The following CSMD2 variants were observed in gnomAD, a reference collection of about 807,000 sequenced individuals.
CSMD2 encodes CUB and Sushi multiple domains 2.
A neutral mutation model predicts 398.5 loss-of-function variants in CSMD2; 130 were observed. That is an observed-to-expected ratio of 0.33 (90% confidence interval 0.28 to 0.38). The LOEUF is 0.38. Among genes scored for constraint, CSMD2 ranks in the 10% least tolerant of loss-of-function variants. CSMD2 has a pLI of 1.00. For synonymous variants in CSMD2, 1,828 were observed against 1,908.5 expected, an observed-to-expected ratio of 0.96 and a Z score of 1.10; for missense variants, 3,829 against 4,764.9, an observed-to-expected ratio of 0.80 and a Z score of 5.78.
At chr1:33,520,101 G>A in intron 68 of CSMD2, 151 bp from the exon 69 acceptor site, 1 of 840,616 alleles carries the variant, frequency 1.2e-6, no homozygotes, top group Non-Finnish European at 1.9e-6. Context: ...TGTGCCCAGG[G>A]CTGCCCGCCT....
At chr1:33,990,923 T>C (rs1646531057) in intron 3 of CSMD2, among the ~76,000 whole-genome samples, 1 of 152,154 alleles carries the variant, frequency 6.6e-6, no homozygotes, top group South Asian at 2.1e-4. Flanking sequence ...GCATGGGTCA[T>C]ACTTATAATA....
intron 15 of CSMD2, 35 bp downstream of exon 15, chr1:33,739,105 A>G: frequency 6.3e-7 from 1 of 1,589,724 alleles, no homozygotes; most frequent in Non-Finnish European, 8.6e-7. Context: ...TCTCTGGCTG[A>G]CAATGGCCAC....
chr1:33,892,012 C>T (rs1428872519), intron 5 of CSMD2, among the ~76,000 whole-genome samples: 4 of 149,974 alleles, frequency 2.7e-5, no homozygotes, highest in Non-Finnish European at 5.9e-5. Flanking sequence ...AACTAACCTG[C>T]ACATTGTGCA....
At chr1:33,920,374 CAA>C (rs35843397) in intron 4 of CSMD2, among the ~76,000 whole-genome samples, 79 of 110,058 alleles carry the variant, frequency 7.2e-4, no homozygotes, top group Non-Finnish European at 9.0e-4. Flanking sequence ...ACTAAAAATA[CAA>C]AAAAAAAAAA....
At chr1:33,707,701 A>G (rs773515455) in intron 22 of CSMD2, among the ~76,000 whole-genome samples, 2,480 of 55,768 alleles carry the variant, frequency 0.044, 34 homozygotes, top group Middle Eastern at 0.06. Flanking sequence ...GCGCGCACAC[A>G]CACACACACA....
chr1:33,910,445 C>T (rs977681779), intron 5 of CSMD2, among the ~76,000 whole-genome samples: 16 of 152,208 alleles, frequency 1.1e-4, no homozygotes, highest in African/African-American at 3.6e-4. Flanking sequence ...CCAGCATCAC[C>T]GCCCTCTTAC....
chr1:33,963,442 A>G (rs971988278), intron 3 of CSMD2, among the ~76,000 whole-genome samples: 8 of 152,234 alleles, frequency 5.3e-5, no homozygotes, highest in Non-Finnish European at 5.9e-5. Flanking sequence ...TTTAAAATGT[A>G]CACTTTGTTA....
Position 33,951,546 on chromosome 1 carries a change from A to T in CSMD2, c.518-15592T>A, listed in dbSNP as rs139061284. Among the ~76,000 whole-genome samples the T allele has an allele frequency of 4.3e-3, 656 of 152,196 alleles. 6 individuals are homozygous for T. Among genetic ancestry groups the T allele is most frequent in the African/African-American group, 0.013 (525 of 41,524 alleles). On this transcript the variant is annotated intron_variant, in intron 3 of 70. Coordinates refer to ENST00000373381, the MANE Select transcript of CSMD2 (RefSeq NM_001281956.2). Reference sequence around the variant, plus strand: ...CATCGTTGACTGCCAAGAAAAATCAATCTCTTCCCTGGCTTTCTCCCACCT... The same window carrying T: ...CATCGTTGACTGCCAAGAAAAATCATTCTCTTCCCTGGCTTTCTCCCACCT...
At chr1:34,086,150 C>T (rs1416264636) in intron 2 of CSMD2, among the ~76,000 whole-genome samples, 1 of 152,176 alleles carries the variant, frequency 6.6e-6, no homozygotes, top group Non-Finnish European at 1.5e-5. Flanking sequence ...GAGAATTTGC[C>T]TCTAGCTGTC....
intron 6 of CSMD2, among the ~76,000 whole-genome samples, chr1:33,828,203 A>G (rs764141697): frequency 9.9e-5 from 15 of 152,228 alleles, no homozygotes; most frequent in Non-Finnish European, 1.9e-4. Flanking sequence ...AAAATTTCCA[A>G]TGAACACTAA....
At chr1:33,889,062 G>GC (rs1037414334) in intron 5 of CSMD2, among the ~76,000 whole-genome samples, 34 of 152,078 alleles carry the variant, frequency 2.2e-4, no homozygotes, top group African/African-American at 8.2e-4. Context: ...GAGCCACTGC[G>GC]CCCGGCCAAG....
rs148190440 is a variant in CSMD2 at position 33,633,476 on chromosome 1, C to T, written c.5146G>A (p.Asp1716Asn). ...AGCCGCGAGTGCTGGCTGTGGCCGT[C>T]GTGAACCTCCACCACGTCGTTGAGG... ...TALNDVVEVH[D>N]GHSQHSRLLS... is the part of the protein sequence containing the mutation. The change falls in exon 32 of 71, where the codon GAC becomes AAC. Residue 1716 changes from aspartate to asparagine, a missense_variant. This residue lies in a region of CSMD2 where 2,001 missense variants were observed against 2,567.1 expected (regional missense o/e 0.78). Coordinates refer to ENST00000373381, the MANE Select transcript of CSMD2 (RefSeq NM_001281956.2). The surrounding 1 kb of genome is among the most constrained non-coding windows in gnomAD (Gnocchi z 5.0). 4 of 1,554,546 alleles carry T rather than the reference C, an allele frequency of 2.6e-6. No homozygotes were observed. The highest frequency in any genetic ancestry group is 2.7e-5 in the African/African-American group (2 of 73,284).
chr1:33,521,662 C>T (rs1654309744), intron 67 of CSMD2, 112 bp from the exon 68 acceptor site: 2 of 769,486 alleles, frequency 2.6e-6, no homozygotes, highest in Non-Finnish European at 4.6e-6. Context: ...GCTGCTCTGA[C>T]ACACAGGGTT....
At chr1:33,796,692 G>C (rs1439974118) in intron 10 of CSMD2, among the ~76,000 whole-genome samples, 3 of 152,140 alleles carry the variant, frequency 2.0e-5, no homozygotes, top group Admixed American at 2.0e-4. Flanking sequence ...AATTTTCATG[G>C]AACAAGGGAA....
intron 67 of CSMD2, 121 bp from the exon 68 acceptor site, chr1:33,521,671 T>C (rs1285499543): frequency 6.8e-6 from 5 of 735,064 alleles, no homozygotes; most frequent in Middle Eastern, 2.4e-4. Flanking sequence ...ACACACAGGG[T>C]TTGTTCTCTG....
At chr1:34,165,659 C>A (rs1641824011), upstream of CSMD2, 1 of 1,240,002 alleles carries the variant, frequency 8.1e-7, no homozygotes, top group African/African-American at 1.5e-5. Flanking sequence ...GGCACATACA[C>A]GCACACCTCT....
At chr1:33,543,286 C>T (rs775382647) in intron 57 of CSMD2, among the ~76,000 whole-genome samples, 11 of 152,172 alleles carry the variant, frequency 7.2e-5, no homozygotes, top group Non-Finnish European at 1.0e-4. Flanking sequence ...TTGGTTGACA[C>T]GTCTCTAAGA....
chr1:33,816,309 G>A (rs1391694522), intron 9 of CSMD2, among the ~76,000 whole-genome samples: 1 of 152,148 alleles, frequency 6.6e-6, no homozygotes, highest in Non-Finnish European at 1.5e-5. Flanking sequence ...CTGGTACTCA[G>A]TCCCTAAACT....
At position 33,972,482 on chromosome 1, in the gene CSMD2, G is replaced by A. The variant is rs114960513; in HGVS notation, c.518-36528C>T. Among the ~76,000 whole-genome samples, 522 of 152,236 alleles carry A rather than the reference G, an allele frequency of 3.4e-3. 3 individuals are homozygous for A. Among genetic ancestry groups the A allele is most frequent in the South Asian group, 8.1e-3 (39 of 4,820 alleles). The stretch of plus-strand genomic sequence containing the variant: ...GTCATTAAGTTAAGGATGAGGTGGG[G>A]AGGTCATCCTGGATTATCCTGATGT... On this transcript the variant is annotated intron_variant, in intron 3 of 70. Transcript: ENST00000373381.
Sources: allele counts gnomAD v4.1 joint callset (sites outside exome capture counted in the v4.1 genomes callset), GRCh38; gene constraint gnomAD v4.1.1; regional missense constraint gnomAD v4.1.1; non-coding constraint Gnocchi (gnomAD v3.1); transcripts MANE v1.5; gene names NCBI Gene and HGNC (gene_info 2026-07-23, HGNC 2026-07-21).